The following EFCAB6 variants were observed in gnomAD, a reference collection of about 807,000 sequenced individuals.
EFCAB6 encodes EF-hand calcium-binding domain-containing protein 6.
A neutral mutation model predicts 169.8 loss-of-function variants in EFCAB6; 156 were observed. The ratio of observed to expected loss-of-function variants is 0.92; its 90% CI spans 0.81 to 1.05. EFCAB6 has a LOEUF of 1.05. EFCAB6 is among the 50% of genes least tolerant of loss of function. EFCAB6 has a pLI of 0.00. For missense variants in EFCAB6, 1,800 were observed against 1,829.1 expected, an observed-to-expected ratio of 0.98 and a Z score of 0.29; for synonymous variants, 698 against 676.4, an observed-to-expected ratio of 1.03 and a Z score of -0.50.
chr22:43,565,787 A>G (rs745337278), intron 26 of EFCAB6, among the ~76,000 whole-genome samples: 1 of 152,194 alleles, frequency 6.6e-6, no homozygotes, highest in Non-Finnish European at 1.5e-5. Flanking sequence ...AACTTCACAC[A>G]GAATAAGAAC....
At chr22:43,574,362 C>T (rs951946655) in intron 26 of EFCAB6, among the ~76,000 whole-genome samples, 1 of 152,050 alleles carries the variant, frequency 6.6e-6, no homozygotes, top group African/African-American at 2.4e-5. Context: ...AGAACACCAG[C>T]TCTGAAGCCG....
At chr22:43,582,875 G>A (rs1288165993) in intron 24 of EFCAB6, among the ~76,000 whole-genome samples, 2 of 152,158 alleles carry the variant, frequency 1.3e-5, no homozygotes, top group Non-Finnish European at 2.9e-5. Context: ...CAACCTTAAT[G>A]TCCCTGGATA....
At chr22:43,630,987 T>C (rs1167703160) in intron 19 of EFCAB6, among the ~76,000 whole-genome samples, 1 of 152,036 alleles carries the variant, frequency 6.6e-6, no homozygotes, top group Non-Finnish European at 1.5e-5. Context: ...GCTGGACTGA[T>C]GTCATAAATA....
chr22:43,791,388 T>C (rs559474755), intron 2 of EFCAB6, among the ~76,000 whole-genome samples: 84 of 141,350 alleles, frequency 5.9e-4, no homozygotes, highest in Non-Finnish European at 1.0e-3. Flanking sequence ...AAAAAAAAAG[T>C]TTCGGAATTG....
At chr22:43,669,628 T>G (rs1323716866) in intron 15 of EFCAB6, among the ~76,000 whole-genome samples, 1 of 152,230 alleles carries the variant, frequency 6.6e-6, no homozygotes, top group Non-Finnish European at 1.5e-5. Flanking sequence ...GCGAAAATAT[T>G]TGATATCTTG....
intron 23 of EFCAB6, among the ~76,000 whole-genome samples, chr22:43,594,052 G>A (rs555421553): frequency 5.2e-4 from 79 of 152,136 alleles, no homozygotes; most frequent in Non-Finnish European, 1.0e-3. Flanking sequence ...GAGGTGGGCG[G>A]ATCACCTGAG....
At chr22:43,648,425 G>GTAA (rs1235832417) in intron 17 of EFCAB6, among the ~76,000 whole-genome samples, 4 of 152,204 alleles carry the variant, frequency 2.6e-5, no homozygotes, top group Non-Finnish European at 5.9e-5. Context: ...GATGCAGCTG[G>GTAA]AGGCCATTAT....
At position 43,612,850 on chromosome 22, in the gene EFCAB6, T is replaced by C. The variant is rs572881331; in HGVS notation, c.2562+2976A>G. ...CGGAGGTTGCAGTGAGCCTAGATCATGCCACTGCACTCCAGCCTGGCAGAC... is the reference window on the plus strand; with the variant it reads ...CGGAGGTTGCAGTGAGCCTAGATCACGCCACTGCACTCCAGCCTGGCAGAC... On this transcript the variant is annotated intron_variant, in intron 21 of 31. Transcript: ENST00000262726. Among the ~76,000 whole-genome samples, 136 of 149,728 alleles carry C rather than the reference T, an allele frequency of 9.1e-4. 1 individual carries two copies. Among genetic ancestry groups the C allele is most frequent in the Admixed American group, 3.1e-3 (47 of 14,964 alleles).
intron 4 of EFCAB6, among the ~76,000 whole-genome samples, chr22:43,768,740 A>C (rs765595504): frequency 1.3e-5 from 2 of 152,214 alleles, no homozygotes; most frequent in Non-Finnish European, 2.9e-5. Context: ...TTAAAAACAG[A>C]TACACATTTC....
chr22:43,673,073 G>A (rs2146990569), intron 13 of EFCAB6, among the ~76,000 whole-genome samples: 1 of 152,238 alleles, frequency 6.6e-6, no homozygotes, highest in Middle Eastern at 3.4e-3. Flanking sequence ...TGGTGGGAGT[G>A]TAAACTGATC....
At chr22:43,773,144 C>A in intron 3 of EFCAB6, 41 bp from the exon 4 acceptor site, 1 of 1,593,460 alleles carries the variant, frequency 6.3e-7, no homozygotes, top group Non-Finnish European at 8.6e-7. Flanking sequence ...ATGTTTAAAG[C>A]CAAGATACTA....
intron 13 of EFCAB6, among the ~76,000 whole-genome samples, chr22:43,673,422 A>T (rs2057580477): frequency 6.6e-6 from 1 of 152,212 alleles, no homozygotes. Context: ...CTGCAGCAAA[A>T]TTTTAAAAAT....
At chr22:43,580,314 C>T in intron 25 of EFCAB6, 150 bp downstream of exon 25, 1 of 749,104 alleles carries the variant, frequency 1.3e-6, no homozygotes. Flanking sequence ...AGAGTGGATA[C>T]ACAACTACCC....
intron 27 of EFCAB6, among the ~76,000 whole-genome samples, chr22:43,547,853 A>G (rs1321509756): frequency 6.6e-6 from 1 of 152,180 alleles, no homozygotes; most frequent in Non-Finnish European, 1.5e-5. Context: ...GCACTTTGGG[A>G]GGCCGAGGCG....
intron 19 of EFCAB6, among the ~76,000 whole-genome samples, chr22:43,629,009 C>G (rs1323294411): frequency 6.6e-6 from 1 of 152,206 alleles, no homozygotes; most frequent in Non-Finnish European, 1.5e-5. Context: ...GCTGGGTACA[C>G]AGACACCATA....
rs546956167 is a variant in EFCAB6, at chr22:43,711,438, G to A, written c.1031+37C>T. ...TGCCTTATTCTTACGGTTGACGTTT[G>A]GGGAAAAAAATGTCAAGGAAACAAT... is the stretch of plus-strand genomic sequence containing the variant. On this transcript the variant is annotated intron_variant, in intron 10 of 31. Coordinates refer to ENST00000262726, the MANE Select transcript of EFCAB6 (RefSeq NM_022785.4). 1,325 of 1,529,706 alleles carry A rather than the reference G, an allele frequency of 8.7e-4. 24 individuals carry two copies. In the South Asian group the frequency reaches 0.016, roughly 18 times the overall value. The allele number at this position is 1,529,706 out of a possible 1,614,324, so 94.8% of individuals were successfully genotyped here. A position where few individuals can be genotyped will look rare whatever the true frequency, so the allele number is the denominator to read the frequency against.
chr22:43,554,609 T>C (rs2048585042), intron 27 of EFCAB6: 2 of 456,540 alleles, frequency 4.4e-6, no homozygotes, highest in East Asian at 4.1e-5. Context: ...GGAGAAGGAG[T>C]GTGGGAGCCG....
chr22:43,549,083 T>G (rs940402670), intron 27 of EFCAB6, among the ~76,000 whole-genome samples: 2 of 152,216 alleles, frequency 1.3e-5, no homozygotes, highest in African/African-American at 4.8e-5. Context: ...AATTATAATT[T>G]TAAAACTACA....
At chr22:43,769,965 C>T (rs1392253451) in intron 4 of EFCAB6, among the ~76,000 whole-genome samples, 1 of 152,092 alleles carries the variant, frequency 6.6e-6, no homozygotes, top group Non-Finnish European at 1.5e-5. Flanking sequence ...AGCAATTCTC[C>T]CGCCTCAGCC....
Sources: allele counts gnomAD v4.1 joint callset (sites outside exome capture counted in the v4.1 genomes callset), GRCh38; gene constraint gnomAD v4.1.1; transcripts MANE v1.5; gene names NCBI Gene and HGNC (gene_info 2026-07-23, HGNC 2026-07-21).